Variants in LRRC4C observed in about 807,000 individuals in gnomAD.
LRRC4C encodes the protein leucine-rich repeat-containing protein 4C.
LRRC4C carries 5 observed loss-of-function variants against 33.6 expected under a neutral mutation model. The ratio of observed to expected loss-of-function variants is 0.15; its 90% CI spans 0.08 to 0.31. The LOEUF (loss-of-function observed/expected upper bound fraction) is 0.31. LRRC4C is among the 10% of genes least tolerant of loss of function. The probability of loss-of-function intolerance (pLI) is 1.00; values close to 1 mark genes in which losing one functional copy is unlikely to be tolerated. For missense variants in LRRC4C, 560 were observed against 796.7 expected (o/e 0.70, Z 3.58); for synonymous variants, 329 against 302.0 (o/e 1.09, Z -0.93).
At chr11:41,395,451 T>C (rs543821136) in intron 1 of LRRC4C, among the ~76,000 whole-genome samples, 1 of 152,106 alleles carries the variant, frequency 6.6e-6, no homozygotes, top group East Asian at 1.9e-4. Flanking sequence ...CAACATAGAT[T>C]ATGATTGGAC....
intron 1 of LRRC4C, among the ~76,000 whole-genome samples, chr11:41,259,869 G>T (rs921029733): frequency 3.3e-5 from 5 of 151,860 alleles, no homozygotes; most frequent in African/African-American, 1.2e-4. Context: ...CATTTTAAAA[G>T]ACTGTTAGTT....
At chr11:41,174,442 A>T (rs1428845635) in intron 1 of LRRC4C, among the ~76,000 whole-genome samples, 5 of 152,168 alleles carry the variant, frequency 3.3e-5, no homozygotes, top group African/African-American at 1.2e-4. Flanking sequence ...TATATAATTT[A>T]TATTATAACT....
chr11:40,182,287 C>T (rs1311458303), intron 5 of LRRC4C, among the ~76,000 whole-genome samples: 1 of 152,038 alleles, frequency 6.6e-6, no homozygotes, highest in African/African-American at 2.4e-5. Flanking sequence ...TTCTCTCCTC[C>T]CCACTGCCTC....
At chr11:40,571,844 G>A (rs1057365816) in intron 3 of LRRC4C, among the ~76,000 whole-genome samples, 1 of 152,158 alleles carries the variant, frequency 6.6e-6, no homozygotes, top group African/African-American at 2.4e-5. Context: ...TAGAAGAAAA[G>A]GGGAGCTTAG....
At chr11:40,502,343 T>C (rs931343337) in intron 3 of LRRC4C, among the ~76,000 whole-genome samples, 1 of 152,176 alleles carries the variant, frequency 6.6e-6, no homozygotes, top group Non-Finnish European at 1.5e-5. Context: ...GCCCCCACTC[T>C]ATTGGCACCA....
intron 1 of LRRC4C, among the ~76,000 whole-genome samples, chr11:41,094,497 C>G (rs1465694396): frequency 6.6e-6 from 1 of 152,044 alleles, no homozygotes; most frequent in Non-Finnish European, 1.5e-5. Context: ...GCACTCCAGC[C>G]TGGACAACAC....
At chr11:41,278,091 T>C (rs565701205) in intron 1 of LRRC4C, among the ~76,000 whole-genome samples, 6 of 152,194 alleles carry the variant, frequency 3.9e-5, no homozygotes, top group African/African-American at 1.2e-4. Context: ...TACAGTTAGA[T>C]AGGAGTAAGT....
chr11:40,687,438 G>A (rs959928499), intron 2 of LRRC4C, among the ~76,000 whole-genome samples: 1 of 151,964 alleles, frequency 6.6e-6, no homozygotes, highest in African/African-American at 2.4e-5. Flanking sequence ...TTTTCAATGA[G>A]AGTGTAGTGC....
chr11:41,176,334 C>A (rs1017089048), intron 1 of LRRC4C, among the ~76,000 whole-genome samples: 3 of 152,136 alleles, frequency 2.0e-5, no homozygotes, highest in African/African-American at 7.2e-5. Context: ...AGAAGGAGAA[C>A]CATCTAAAGA....
chr11:40,868,244 T>C (rs1954467619), intron 2 of LRRC4C, among the ~76,000 whole-genome samples: 1 of 152,044 alleles, frequency 6.6e-6, no homozygotes, highest in Non-Finnish European at 1.5e-5. Context: ...CTTCAGTAAA[T>C]ATATAACTGT....
At chr11:40,744,757 T>C (rs1178262659) in intron 2 of LRRC4C, among the ~76,000 whole-genome samples, 1 of 152,168 alleles carries the variant, frequency 6.6e-6, no homozygotes, top group African/African-American at 2.4e-5. Flanking sequence ...GGCAATGCTA[T>C]GCTGTAAGTC....
chr11:40,621,627 C>T (rs1338926999), intron 3 of LRRC4C, among the ~76,000 whole-genome samples: 1 of 151,736 alleles, frequency 6.6e-6, no homozygotes, highest in Non-Finnish European at 1.5e-5. Context: ...TATCTATTTA[C>T]ATGTTATATA....
At chr11:41,223,825 G>T (rs1262922013) in intron 1 of LRRC4C, among the ~76,000 whole-genome samples, 3 of 152,160 alleles carry the variant, frequency 2.0e-5, no homozygotes, top group Non-Finnish European at 4.4e-5. Flanking sequence ...TGTCCAGTTG[G>T]CAGAACAGGA....
At chr11:40,719,999 T>G (rs904357828) in intron 2 of LRRC4C, among the ~76,000 whole-genome samples, 6 of 152,170 alleles carry the variant, frequency 3.9e-5, no homozygotes, top group African/African-American at 1.4e-4. Context: ...AAGTGAGTAG[T>G]TTGCCTTTGG....
At chr11:40,851,071 C>T (rs775273116) in intron 2 of LRRC4C, among the ~76,000 whole-genome samples, 2 of 152,126 alleles carry the variant, frequency 1.3e-5, no homozygotes, top group East Asian at 1.9e-4. Flanking sequence ...AGCTCTGTGG[C>T]GGTACGATCC....
At chr11:40,952,009 T>G (rs1958713739) in intron 1 of LRRC4C, among the ~76,000 whole-genome samples, 1 of 151,900 alleles carries the variant, frequency 6.6e-6, no homozygotes, top group Non-Finnish European at 1.5e-5. Flanking sequence ...TTAAATAAGT[T>G]TATTATATCT....
At chr11:40,808,415 G>A (rs997192869) in intron 2 of LRRC4C, among the ~76,000 whole-genome samples, 12 of 152,052 alleles carry the variant, frequency 7.9e-5, no homozygotes, top group African/African-American at 2.9e-4. Flanking sequence ...ACTCAAGTCA[G>A]CCAGAGTTCT....
chr11:40,724,634 C>A (rs1947196650), intron 2 of LRRC4C, among the ~76,000 whole-genome samples: 1 of 152,050 alleles, frequency 6.6e-6, no homozygotes, highest in South Asian at 2.1e-4. Flanking sequence ...GTTTGTAACA[C>A]CAAATACCTA....
intron 3 of LRRC4C, among the ~76,000 whole-genome samples, chr11:40,500,442 A>T (rs553103847): frequency 6.6e-6 from 1 of 151,954 alleles, no homozygotes; most frequent in South Asian, 2.1e-4. Flanking sequence ...GCTGTCTTTC[A>T]AAAAGACATA....
Sources: gnomAD v4.1 joint callset for allele counts (sites outside exome capture counted in the v4.1 genomes callset) on GRCh38, gnomAD v4.1.1 for gene constraint, MANE v1.5 for transcripts, NCBI Gene and HGNC (gene_info 2026-07-23, HGNC 2026-07-21) for gene names.